Variants in SEMA6A observed in about 807,000 individuals in gnomAD.
The protein encoded by SEMA6A is semaphorin-6A.
SEMA6A carries 25 observed loss-of-function variants against 96.8 expected under a neutral mutation model. That is an observed-to-expected ratio of 0.26 (90% CI 0.19 to 0.36). The LOEUF (loss-of-function observed/expected upper bound fraction) is 0.36, where lower values mean the gene tolerates loss of function less well. Among genes scored for constraint, SEMA6A ranks in the 10% least tolerant of loss-of-function variants. SEMA6A has a pLI of 1.00. For synonymous variants in SEMA6A, 612 were observed against 518.0 expected, an observed-to-expected ratio of 1.18 and a Z score of -2.46; for missense variants, 1,363 against 1,323.1, an observed-to-expected ratio of 1.03 and a Z score of -0.47.
chr5:116,570,467 C>T (rs893573664), intron 1 of SEMA6A, among the ~76,000 whole-genome samples: 1 of 152,206 alleles, frequency 6.6e-6, no homozygotes, highest in African/African-American at 2.4e-5. Flanking sequence ...GAGCACTCCT[C>T]TACTCTAGGA....
chr5:116,450,926 A>G lies in SEMA6A; in HGVS notation c.1895-3115T>C, dbSNP rs149628862. Among the ~76,000 whole-genome samples, 7 of 152,358 alleles carry G rather than the reference A, an allele frequency of 4.6e-5. No homozygotes were observed. The East Asian group carries it at 1.3e-3, about 29-fold the overall frequency. On this transcript the variant is annotated intron_variant, in intron 18 of 18. Transcript: ENST00000343348. ...AAACTTAAAGCTTTCTGCTTATATC[A>G]TGAAAAAGGCCAAAGAAGCATTCAC...
intron 17 of SEMA6A, among the ~76,000 whole-genome samples, chr5:116,472,038 A>G (rs1361344009): frequency 6.6e-6 from 1 of 152,206 alleles, no homozygotes; most frequent in African/African-American, 2.4e-5. Flanking sequence ...CTGTGTATAC[A>G]TGAAACTCAC....
At chr5:116,567,472 AAAT>A (rs1241149993) in intron 1 of SEMA6A, among the ~76,000 whole-genome samples, 3 of 152,196 alleles carry the variant, frequency 2.0e-5, no homozygotes, top group African/African-American at 7.2e-5. Flanking sequence ...ACTCAAGTAA[AAAT>A]AATACCTTAT....
intron 1 of SEMA6A, among the ~76,000 whole-genome samples, chr5:116,516,862 G>T (rs1176541573): frequency 1.3e-5 from 2 of 152,154 alleles, no homozygotes. Context: ...TCCTTAAACA[G>T]GTGACTTCAG....
chr5:116,453,405 A>C (rs181577101), intron 18 of SEMA6A, among the ~76,000 whole-genome samples: 1 of 152,328 alleles, frequency 6.6e-6, no homozygotes, highest in East Asian at 1.9e-4. Context: ...CTAGTATGAT[A>C]CTTGTTTTTC....
rs1362326856 is a variant in SEMA6A at position 116,446,408 on chromosome 5, TC to T, written c.*204del. On this transcript the variant is annotated 3_prime_UTR_variant, in exon 19 of 19. Coordinates refer to ENST00000343348, the MANE Select transcript of SEMA6A (RefSeq NM_020796.5). ...AGTGAAGGAAGAGAATGAAGGTGAG[TC>T]CCCGCCGTTGCAAACCTTCACCAAA... 4 of 474,508 alleles carry T rather than the reference TC, an allele frequency of 8.4e-6. No homozygotes were observed. Among genetic ancestry groups the T allele is most frequent in the Non-Finnish European group, 1.5e-5 (4 of 271,852 alleles). The allele number at this position is 474,508 out of a possible 1,614,324, so 29.4% of individuals were successfully genotyped here. A position where few individuals can be genotyped will look rare whatever the true frequency, so the allele number is the denominator to read the frequency against.
intron 17 of SEMA6A, chr5:116,472,359 A>G (rs1051602489): frequency 6.6e-6 from 1 of 152,300 alleles, no homozygotes; most frequent in Admixed American, 6.5e-5. Context: ...CACTGAAAAC[A>G]TATCTAAATA....
intron 3 of SEMA6A, among the ~76,000 whole-genome samples, chr5:116,501,177 T>TG (rs1198350060): frequency 6.6e-6 from 1 of 152,208 alleles, no homozygotes; most frequent in African/African-American, 2.4e-5. Flanking sequence ...CATATATTGT[T>TG]GGACTCCTTA....
intron 1 of SEMA6A, among the ~76,000 whole-genome samples, chr5:116,511,870 A>G (rs577886419): frequency 6.6e-5 from 10 of 152,314 alleles, no homozygotes; most frequent in African/African-American, 2.4e-4. Context: ...GAACAGTGTC[A>G]TTTGCAAAGG....
chr5:116,546,233 A>G (rs751444937), intron 1 of SEMA6A, among the ~76,000 whole-genome samples: 8 of 152,194 alleles, frequency 5.3e-5, no homozygotes, highest in Non-Finnish European at 8.8e-5. Flanking sequence ...CTGGCTTCCT[A>G]TGACACAGAG....
intron 1 of SEMA6A, among the ~76,000 whole-genome samples, chr5:116,513,940 TC>T (rs756433438): frequency 3.9e-5 from 6 of 152,228 alleles, no homozygotes; most frequent in Non-Finnish European, 8.8e-5. Context: ...TCCATCCATG[TC>T]CCTGCAAAGG....
intron 1 of SEMA6A, among the ~76,000 whole-genome samples, chr5:116,547,778 T>G (rs1052949475): frequency 7.5e-6 from 1 of 133,382 alleles, no homozygotes; most frequent in African/African-American, 2.8e-5. Flanking sequence ...ATCCCCTGAG[T>G]CAACACCCGT....
At chr5:116,493,730 G>A (rs1757441716) in intron 6 of SEMA6A, among the ~76,000 whole-genome samples, 1 of 152,088 alleles carries the variant, frequency 6.6e-6, no homozygotes, top group Admixed American at 6.6e-5. Context: ...TGTTGGTGCG[G>A]ATTCCAGCCT....
At chr5:116,548,145 T>C (rs1242373367) in intron 1 of SEMA6A, among the ~76,000 whole-genome samples, 1 of 152,244 alleles carries the variant, frequency 6.6e-6, no homozygotes, top group African/African-American at 2.4e-5. Context: ...AGCTGGACAC[T>C]ACAGGCCAGT....
At chr5:116,473,660 C>A (rs1323135544) in intron 16 of SEMA6A, among the ~76,000 whole-genome samples, 1 of 152,216 alleles carries the variant, frequency 6.6e-6, no homozygotes, top group Non-Finnish European at 1.5e-5. Flanking sequence ...CAGCCTCTAA[C>A]ACTGGCTCTT....
In SEMA6A at chr5:116,478,180, C is replaced by A. The variant is rs186496824; in HGVS notation, c.1428-26G>T. ...CTAATTTCATCAGGCAAGATAATAT[C>A]ATTAATAGACTCTTCTCTTTTTCTC... On this transcript the variant is annotated intron_variant, in intron 13 of 18. Transcript: ENST00000343348. 9.4e-4 allele frequency: 1,520 copies of A among 1,609,840 alleles called. 12 individuals carry two copies. The African/African-American group carries it at 0.019, about 20-fold the overall frequency.
Position 116,496,242 on chromosome 5 carries a change from A to G in SEMA6A, c.342+9T>C. 6.2e-7 allele frequency: 1 copy of G among 1,612,918 alleles called. No individual in the cohort carries two copies. Among genetic ancestry groups the G allele is most frequent in the South Asian group, 1.1e-5 (1 of 91,032 alleles). On this transcript the variant is annotated intron_variant, in intron 5 of 18. Transcript: ENST00000343348. ...AGTGGCAGCTGCAGGAGAAATGAAAATTGCCTACCTTATGTTTTCCCTTCA... is the reference window on the plus strand; with the variant it reads ...AGTGGCAGCTGCAGGAGAAATGAAAGTTGCCTACCTTATGTTTTCCCTTCA...
At chr5:116,545,970 A>G (rs1002163497) in intron 1 of SEMA6A, among the ~76,000 whole-genome samples, 8 of 152,250 alleles carry the variant, frequency 5.3e-5, no homozygotes, top group Admixed American at 3.3e-4. Context: ...CAAGGGACAC[A>G]GTAGAGCTAT....
chr5:116,462,659 T>G (rs80135591), intron 18 of SEMA6A, among the ~76,000 whole-genome samples: 52 of 152,278 alleles, frequency 3.4e-4, no homozygotes, highest in African/African-American at 1.3e-3. Context: ...ATTACAACAC[T>G]TGGAGTGACG....
Sources: allele counts gnomAD v4.1 joint callset (sites outside exome capture counted in the v4.1 genomes callset), GRCh38; gene constraint gnomAD v4.1.1; transcripts MANE v1.5; gene names NCBI Gene and HGNC (gene_info 2026-07-23, HGNC 2026-07-21).